NKAIN3: variants seen among roughly 807,000 people sequenced by gnomAD.
NKAIN3 encodes sodium/potassium transporting ATPase interacting 3.
A neutral mutation model predicts 30.2 loss-of-function variants in NKAIN3; 25 were observed. The observed-to-expected ratio is 0.83, with a 90% CI of 0.60 to 1.16. The LOEUF (loss-of-function observed/expected upper bound fraction) is 1.16. Ranked by LOEUF, NKAIN3 falls within the 50% of genes most tolerant of loss-of-function variation. The probability of loss-of-function intolerance (pLI) is 0.00; values close to 1 mark genes in which losing one functional copy is unlikely to be tolerated. For missense variants in NKAIN3, 225 were observed against 254.1 expected (o/e 0.89, Z 0.78); for synonymous variants, 91 against 89.6 (o/e 1.02, Z -0.09).
At chr8:62,999,395 A>G (rs1804202573) in exon 6 of NKAIN3, 1 of 152,244 alleles carries the variant, frequency 6.6e-6, no homozygotes, top group African/African-American at 2.4e-5. Flanking sequence ...AGGTGAACTA[A>G]TAGAGTGAGA....
chr8:62,589,925 A>C (rs574991670), intron 3 of NKAIN3, 131 bp downstream of exon 3: 59 of 471,874 alleles, frequency 1.3e-4, no homozygotes, highest in Admixed American at 2.5e-4. Flanking sequence ...GTATAGAATG[A>C]TAAAATACTA....
chr8:62,404,472 C>T (rs1161360167), intron 1 of NKAIN3, among the ~76,000 whole-genome samples: 1 of 152,070 alleles, frequency 6.6e-6, no homozygotes, highest in African/African-American at 2.4e-5. Context: ...GTGGTTTCCC[C>T]CATGCTATTC....
At chr8:62,287,596 C>T (rs1435790536) in intron 1 of NKAIN3, among the ~76,000 whole-genome samples, 1 of 151,952 alleles carries the variant, frequency 6.6e-6, no homozygotes, top group Non-Finnish European at 1.5e-5. Flanking sequence ...AACAGAAAAT[C>T]CTGATTGTTG....
chr8:62,310,748 T>C (rs1814401529), intron 1 of NKAIN3, among the ~76,000 whole-genome samples: 1 of 150,070 alleles, frequency 6.7e-6, no homozygotes, highest in South Asian at 2.1e-4. Flanking sequence ...CCAGCCCGAG[T>C]GTGTACTCAT....
intron 1 of NKAIN3, among the ~76,000 whole-genome samples, chr8:62,461,696 A>T (rs1038268934): frequency 1.3e-4 from 20 of 152,200 alleles, no homozygotes; most frequent in Non-Finnish European, 2.5e-4. Context: ...AATTCACAAG[A>T]TCAGAGTTGA....
chr8:62,928,284 C>G (rs190003137), intron 5 of NKAIN3, among the ~76,000 whole-genome samples: 10 of 152,254 alleles, frequency 6.6e-5, no homozygotes, highest in Admixed American at 5.2e-4. Flanking sequence ...TCCATTTTAT[C>G]CACATTTTTC....
At chr8:62,339,392 T>G (rs1049976798) in intron 1 of NKAIN3, among the ~76,000 whole-genome samples, 29 of 152,062 alleles carry the variant, frequency 1.9e-4, no homozygotes, top group African/African-American at 6.8e-4. Context: ...TCAGTCTGAC[T>G]GCTGCTTGGA....
At chr8:62,464,952 G>A (rs1806113510) in intron 1 of NKAIN3, among the ~76,000 whole-genome samples, 1 of 152,162 alleles carries the variant, frequency 6.6e-6, no homozygotes, top group South Asian at 2.1e-4. Flanking sequence ...GCATTTCAAT[G>A]TACTGAGCTT....
At position 62,248,935 on chromosome 8, in the gene NKAIN3, G is replaced by A; in HGVS notation, c.-139G>A. Reference sequence around the variant, plus strand: ...TAACAAAGGCGGGCGCGAGCCCCGAGCCCTGGAGCCGCGAGCGGCGGCCGC... The same window carrying A: ...TAACAAAGGCGGGCGCGAGCCCCGAACCCTGGAGCCGCGAGCGGCGGCCGC... On this transcript the variant is annotated 5_prime_UTR_variant, in exon 1 of 7. Coordinates refer to ENST00000623646, the MANE Select transcript of NKAIN3 (RefSeq NM_001304533.3). 2 of 707,682 alleles carry A rather than the reference G, an allele frequency of 2.8e-6. No homozygotes were observed. The highest frequency in any genetic ancestry group is 3.2e-5 in the East Asian group (1 of 30,840). The allele number at this position is 707,682 out of a possible 1,614,324, so 43.8% of individuals were successfully genotyped here. A position where few individuals can be genotyped will look rare whatever the true frequency, so the allele number is the denominator to read the frequency against.
intron 3 of NKAIN3, among the ~76,000 whole-genome samples, chr8:62,679,398 A>G (rs959009947): frequency 3.4e-4 from 51 of 152,208 alleles, no homozygotes; most frequent in African/African-American, 1.2e-3. Context: ...TTTGCAGCAC[A>G]GTAAGTAGAT....
intron 5 of NKAIN3, among the ~76,000 whole-genome samples, chr8:62,951,964 T>A (rs893148026): frequency 1.3e-5 from 2 of 151,856 alleles, no homozygotes; most frequent in African/African-American, 4.8e-5. Context: ...CATGCCCAGC[T>A]AATTTTTTAA....
chr8:62,765,422 T>G (rs763045204), intron 4 of NKAIN3, among the ~76,000 whole-genome samples: 10 of 152,162 alleles, frequency 6.6e-5, no homozygotes, highest in Non-Finnish European at 1.0e-4. Flanking sequence ...CTTCAGCCCC[T>G]CTAACTTTCA....
At chr8:62,406,036 A>G (rs1033330835) in intron 1 of NKAIN3, among the ~76,000 whole-genome samples, 2 of 152,198 alleles carry the variant, frequency 1.3e-5, no homozygotes, top group East Asian at 1.9e-4. Flanking sequence ...TTTGATCAAT[A>G]TGGCTCACTA....
At chr8:62,827,669 CA>C (rs1391289015) in intron 4 of NKAIN3, among the ~76,000 whole-genome samples, 15 of 151,968 alleles carry the variant, frequency 9.9e-5, no homozygotes, top group Non-Finnish European at 1.5e-5. Flanking sequence ...TAGAAGTCTA[CA>C]AACTTAAAAA....
intron 1 of NKAIN3, among the ~76,000 whole-genome samples, chr8:62,534,874 TCGTATAGTTTCTGA>T (rs1808605538): frequency 4.0e-5 from 6 of 151,332 alleles, no homozygotes; most frequent in Non-Finnish European, 2.9e-5. Flanking sequence ...TTTTTTTTTT[TCGTATAGTTTCTGA>T]TTTTCTGAAA....
intron 4 of NKAIN3, among the ~76,000 whole-genome samples, chr8:62,759,642 G>A (rs1225384501): frequency 6.6e-6 from 1 of 152,156 alleles, no homozygotes; most frequent in African/African-American, 2.4e-5. Context: ...GAGCCTAGGT[G>A]ACAAGTGAAA....
intron 1 of NKAIN3, among the ~76,000 whole-genome samples, chr8:62,315,506 C>T (rs138549278): frequency 6.6e-6 from 1 of 152,228 alleles, no homozygotes; most frequent in East Asian, 1.9e-4. Context: ...AGTTGACTAT[C>T]TTGGAAGTTG....
chr8:62,398,790 G>A (rs1288262102), intron 1 of NKAIN3, among the ~76,000 whole-genome samples: 1 of 152,224 alleles, frequency 6.6e-6, no homozygotes, highest in African/African-American at 2.4e-5. Context: ...GGGTTGTGAT[G>A]TTAAATATAA....
At chr8:62,835,484 A>G (rs529619602) in intron 4 of NKAIN3, among the ~76,000 whole-genome samples, 1 of 152,228 alleles carries the variant, frequency 6.6e-6, no homozygotes, top group East Asian at 1.9e-4. Flanking sequence ...AGCAAAAAGC[A>G]ATTCAACAAG....
Sources: gnomAD v4.1 joint callset for allele counts (sites outside exome capture counted in the v4.1 genomes callset) on GRCh38, gnomAD v4.1.1 for gene constraint, MANE v1.5 for transcripts, NCBI Gene and HGNC (gene_info 2026-07-23, HGNC 2026-07-21) for gene names.